The following PHACTR1 variants were observed in gnomAD, a reference collection of about 807,000 sequenced individuals.
PHACTR1 encodes RPEL repeat containing 1.
A neutral mutation model predicts 69.2 loss-of-function variants in PHACTR1; 16 were observed. That is an observed-to-expected ratio of 0.23 (90% CI 0.16 to 0.35). The LOEUF (loss-of-function observed/expected upper bound fraction) is 0.35. Among genes scored for constraint, PHACTR1 ranks in the 10% least tolerant of loss-of-function variants. The probability of loss-of-function intolerance (pLI) is 1.00; values close to 1 mark genes in which losing one functional copy is unlikely to be tolerated. For synonymous variants in PHACTR1, 312 were observed against 284.5 expected, an observed-to-expected ratio of 1.10 and a Z score of -0.97; for missense variants, 510 against 734.7, an observed-to-expected ratio of 0.69 and a Z score of 3.54.
chr6:13,024,732 C>A (rs962708028), intron 4 of PHACTR1, among the ~76,000 whole-genome samples: 1 of 152,104 alleles, frequency 6.6e-6, no homozygotes, highest in Non-Finnish European at 1.5e-5. Context: ...ACACCACTAC[C>A]CAAAGTAAAA....
chr6:12,831,767 G>A (rs943286968), intron 4 of PHACTR1, among the ~76,000 whole-genome samples: 1 of 152,118 alleles, frequency 6.6e-6, no homozygotes. Context: ...TATAAGGGAA[G>A]AGAAGATTAA....
At chr6:12,977,379 TTCA>T (rs1795019401) in intron 4 of PHACTR1, among the ~76,000 whole-genome samples, 1 of 38,930 alleles carries the variant, frequency 2.6e-5, no homozygotes, top group African/African-American at 8.6e-5. Context: ...CTCTCTCTCT[TTCA>T]CACACACACA....
Position 13,245,569 on chromosome 6 carries a change from C to T in PHACTR1, c.1391+15376C>T, listed in dbSNP as rs541166473. Among the ~76,000 whole-genome samples, 18 of 152,130 alleles carry T rather than the reference C, an allele frequency of 1.2e-4. No homozygotes were observed. The highest frequency in any genetic ancestry group is 3.9e-4 in the African/African-American group (16 of 41,514). On this transcript the variant is annotated intron_variant, in intron 10 of 14. Transcript: ENST00000332995. This position sits in a 1 kb window ranked among gnomAD's most constrained non-coding sequence, Gnocchi z 4.1. The stretch of plus-strand genomic sequence containing the variant: ...TGCTGGATATTAGACCTTTGTTGGA[C>T]GTATAGTTTGCAAATATTTTCTCCC...
chr6:12,724,905 C>T (rs771802973), intron 3 of PHACTR1, among the ~76,000 whole-genome samples: 27 of 152,174 alleles, frequency 1.8e-4, no homozygotes, highest in Non-Finnish European at 1.5e-5. Context: ...ACAAAAGTCA[C>T]TAGGCAATCC....
chr6:13,089,699 C>T (rs1193089029), intron 5 of PHACTR1, among the ~76,000 whole-genome samples: 1 of 152,206 alleles, frequency 6.6e-6, no homozygotes, highest in African/African-American at 2.4e-5. Flanking sequence ...CCGGATGATG[C>T]TTCTGGTTCG....
At chr6:12,749,394 G>A (rs1038191872) in intron 3 of PHACTR1, 10 of 567,868 alleles carry the variant, frequency 1.8e-5, no homozygotes, top group African/African-American at 1.7e-4. Flanking sequence ...GGGATAGCCT[G>A]ATCTCTGCTC....
At chr6:12,804,890 C>G (rs1774131218) in intron 4 of PHACTR1, among the ~76,000 whole-genome samples, 1 of 152,138 alleles carries the variant, frequency 6.6e-6, no homozygotes, top group South Asian at 2.1e-4. Context: ...AAAATAAATA[C>G]TCCAAAAATG....
intron 5 of PHACTR1, among the ~76,000 whole-genome samples, chr6:13,119,928 T>C (rs1818443103): frequency 6.6e-6 from 1 of 152,096 alleles, no homozygotes; most frequent in South Asian, 2.1e-4. Context: ...TATGGAAACA[T>C]CCAACTCAAA....
chr6:12,990,465 T>C (rs758192927), intron 4 of PHACTR1, among the ~76,000 whole-genome samples: 22 of 152,228 alleles, frequency 1.4e-4, no homozygotes, highest in Non-Finnish European at 2.6e-4. Flanking sequence ...CGCTCGAACT[T>C]GCTAGGCTGA....
At chr6:13,133,876 G>A (rs2416509) in intron 5 of PHACTR1, among the ~76,000 whole-genome samples, 7 of 150,684 alleles carry the variant, frequency 4.6e-5, no homozygotes, top group Admixed American at 3.3e-4. Context: ...CCGCCATCCC[G>A]TCTAGGAAGT....
In PHACTR1 at chr6:12,909,158, T is replaced by A. The variant is rs184720190; in HGVS notation, c.251-144207T>A. On this transcript the variant is annotated intron_variant, in intron 4 of 14. Coordinates refer to ENST00000332995, the MANE Select transcript of PHACTR1 (RefSeq NM_030948.6). ...TGGTCAGGAAGATTAAAAACAAAAT[T>A]TTTTTTCTTAAAGACTCCAACTTTT... Among the ~76,000 whole-genome samples the A allele has an allele frequency of 2.0e-3, 304 of 152,192 alleles. 3 individuals carry two copies. Among genetic ancestry groups the A allele is most frequent in the African/African-American group, 6.9e-3 (285 of 41,532 alleles).
In PHACTR1 at chr6:13,186,397, G is replaced by C. The variant is rs551958749; in HGVS notation, c.664+3711G>C. 1.6e-4 allele frequency among the ~76,000 whole-genome samples: 25 copies of C among 152,306 alleles called. 1 individual carries two copies. In the South Asian group the frequency reaches 3.5e-3, roughly 21 times the overall value. ...TTTTATTAGCTGCTTGGATGGATCA[G>C]GGTTTACTTGACTGACCCCTTAAAG... On this transcript the variant is annotated intron_variant, in intron 7 of 14. Transcript: ENST00000332995.
At chr6:13,165,220 T>C (rs1364745420) in intron 6 of PHACTR1, among the ~76,000 whole-genome samples, 3 of 152,186 alleles carry the variant, frequency 2.0e-5, no homozygotes, top group Non-Finnish European at 4.4e-5. Context: ...ACAACTTAAA[T>C]GTTAAGGTGA....
At chr6:13,097,858 A>AATCC (rs1486512380) in intron 5 of PHACTR1, among the ~76,000 whole-genome samples, 1 of 152,142 alleles carries the variant, frequency 6.6e-6, no homozygotes, top group Non-Finnish European at 1.5e-5. Context: ...TAATATAGAA[A>AATCC]ACAGCAGCCC....
chr6:12,907,280 A>G (rs1267217914), intron 4 of PHACTR1, among the ~76,000 whole-genome samples: 2 of 152,240 alleles, frequency 1.3e-5, no homozygotes, highest in African/African-American at 4.8e-5. Context: ...TTAAAGTAGA[A>G]ATAAGTTAAC....
intron 4 of PHACTR1, among the ~76,000 whole-genome samples, chr6:13,025,635 T>C (rs1226883886): frequency 6.6e-6 from 1 of 151,466 alleles, no homozygotes; most frequent in Non-Finnish European, 1.5e-5. Context: ...TAACCTGTGA[T>C]GTAAGTCAGG....
intron 5 of PHACTR1, among the ~76,000 whole-genome samples, chr6:13,103,870 GGTC>G (rs752348306): frequency 1.6e-4 from 24 of 152,332 alleles, no homozygotes; most frequent in Non-Finnish European, 3.1e-4. Flanking sequence ...GATCACTTGA[GGTC>G]AGGAGGCTGA....
chr6:12,975,731 A>C (rs1794796193), intron 4 of PHACTR1, among the ~76,000 whole-genome samples: 1 of 152,116 alleles, frequency 6.6e-6, no homozygotes. Flanking sequence ...ATAAGAACAC[A>C]CCAAAATGCC....
intron 4 of PHACTR1, among the ~76,000 whole-genome samples, chr6:12,904,534 CAA>C (rs544410317): frequency 1.5e-4 from 12 of 79,988 alleles, no homozygotes; most frequent in Admixed American, 2.8e-4. Flanking sequence ...AACTCCATCT[CAA>C]AAAAAAAAAA....
Sources: gnomAD v4.1 joint callset for allele counts (sites outside exome capture counted in the v4.1 genomes callset) on GRCh38, gnomAD v4.1.1 for gene constraint, Gnocchi (gnomAD v3.1) non-coding constraint, MANE v1.5 for transcripts, NCBI Gene and HGNC (gene_info 2026-07-23, HGNC 2026-07-21) for gene names.